SOX15: variants seen among roughly 807,000 people sequenced by gnomAD.
The protein encoded by SOX15 is SRY-box transcription factor 15.
A neutral mutation model predicts 15.9 loss-of-function variants in SOX15; 12 were observed. That is an observed-to-expected ratio of 0.75 (90% CI 0.48 to 1.22). SOX15 has a LOEUF of 1.22. Among genes scored for constraint, SOX15 ranks in the 50% most tolerant of loss-of-function variants. SOX15 has a pLI of 0.00. For missense variants in SOX15, 309 were observed against 313.9 expected, an observed-to-expected ratio of 0.98 and a Z score of 0.12; for synonymous variants, 149 against 142.8, an observed-to-expected ratio of 1.04 and a Z score of -0.31.
At position 7,589,542 on chromosome 17, in the gene SOX15, G is replaced by A. The variant is rs1464007886; in HGVS notation, c.135C>T (p.Pro45=). 3.1e-6 allele frequency: 5 copies of A among 1,608,042 alleles called. No individual in the cohort carries two copies. Among genetic ancestry groups the A allele is most frequent in the Non-Finnish European group, 3.4e-6 (4 of 1,178,134 alleles). ...AGSPAAPGTL[P]LEKVKRPMNA... ...TCATCGGCCGCTTCACCTTCTCCAG[G>A]GGCAGCGTCCCGGGGGCCGCGGGGC... The change falls in exon 1 of 2, where the codon CCC becomes CCT. Residue 45 remains proline, a synonymous_variant. Coordinates refer to ENST00000250055, the MANE Select transcript of SOX15 (RefSeq NM_006942.2).
chr17:7,589,445 C>G lies in SOX15; in HGVS notation c.232G>C (p.Glu78Gln). The change falls in exon 1 of 2, where the codon GAG becomes CAG. Residue 78 changes from glutamate to glutamine, a missense_variant. Physicochemically the swap from Glu to Gln is conservative, Grantham distance 29 (BLOSUM62 2). Transcript: ENST00000250055. ...AQQNPKMHNS[E>Q]ISKRLGAQWK... Reference sequence around the variant, plus strand: ...TGCGCGCCCAGGCGCTTGGAGATCTCGGAGTTGTGCATCTTGGGGTTCTGC... The same window carrying G: ...TGCGCGCCCAGGCGCTTGGAGATCTGGGAGTTGTGCATCTTGGGGTTCTGC... 6.2e-7 allele frequency: 1 copy of G among 1,613,926 alleles called. No homozygotes were observed. Among genetic ancestry groups the G allele is most frequent in the Non-Finnish European group, 8.5e-7 (1 of 1,179,920 alleles).
At position 7,589,534 on chromosome 17, in the gene SOX15, T is replaced by C. The variant is rs1242782819; in HGVS notation, c.143A>G (p.Lys48Arg). Reference protein sequence around the residue: ...PAAPGTLPLEKVKRPMNAFMV... With the variant: ...PAAPGTLPLERVKRPMNAFMV... Reference sequence around the variant, plus strand: ...GAACGCGTTCATCGGCCGCTTCACCTTCTCCAGGGGCAGCGTCCCGGGGGC... The same window carrying C: ...GAACGCGTTCATCGGCCGCTTCACCCTCTCCAGGGGCAGCGTCCCGGGGGC... The change falls in exon 1 of 2, where the codon AAG (lysine) becomes AGG (arginine). Residue 48 changes from lysine to arginine, a missense_variant. By Grantham distance (26) the Lys-to-Arg change is conservative (BLOSUM62 2). Transcript: ENST00000250055. The C allele has an allele frequency of 1.2e-6, 2 of 1,610,186 alleles. No individual in the cohort carries two copies. The highest frequency in any genetic ancestry group is 8.5e-7 in the Non-Finnish European group (1 of 1,178,826).
At chr17:7,588,628 C>T in intron 1 of SOX15, 82 bp from the exon 2 acceptor site, 11 of 1,422,120 alleles carry the variant, frequency 7.7e-6, no homozygotes, top group South Asian at 2.3e-5. Flanking sequence ...CAGGGTAGAG[C>T]GTGCCACCCA....
rs912044828 is a variant in SOX15, at chr17:7,589,344, G to A, written c.333C>T (p.Arg111=). ...GCCGGTACTTGTAGTCGGGGTAGTC[G>A]CGCAGGTGTCGGGCGCGGAGCCGCT... is the stretch of plus-strand genomic sequence containing the variant. ...EAKRLRARHL[R]DYPDYKYRPR... Residue 111 remains arginine (R), a synonymous_variant, in exon 1 of 2, where the codon CGC becomes CGT. Transcript: ENST00000250055. 3 of 1,608,908 alleles carry A rather than the reference G, an allele frequency of 1.9e-6. No individual in the cohort carries two copies. The highest frequency in any genetic ancestry group is 1.1e-5 in the South Asian group (1 of 90,606).
chr17:7,589,830 A>G lies in SOX15; in HGVS notation c.-154T>C, dbSNP rs1597868247. On this transcript the variant is annotated 5_prime_UTR_variant, in exon 1 of 2. Coordinates refer to ENST00000250055, the MANE Select transcript of SOX15 (RefSeq NM_006942.2). ...TTTTATCCCCAAGCCCAGAGCTTAA[A>G]CCGGAGCCTTTGCTTCCAACCTGTT... The G allele has an allele frequency of 1.0e-5, 7 of 690,520 alleles. No individual in the cohort carries two copies. The highest frequency in any genetic ancestry group is 3.6e-5 in the African/African-American group (2 of 55,046). 42.8% of individuals were successfully genotyped at this position (690,520 alleles called of 1,614,324 possible). A position where few individuals can be genotyped will look rare whatever the true frequency, so the allele number is the denominator to read the frequency against.
Position 7,589,582 on chromosome 17 carries a change from C to G in SOX15, c.95G>C (p.Arg32Pro). 2.5e-6 allele frequency: 4 copies of G among 1,577,604 alleles called. No individual in the cohort carries two copies. Among genetic ancestry groups the G allele is most frequent in the Non-Finnish European group, 3.4e-6 (4 of 1,164,386 alleles). ...GGCCGCGGGGCTCCCAGCGCCCTCC[C>G]GCTCCTGGGGTCCCGAAGATGAGGA... The part of the protein sequence containing the change: ...AASSSSGPQE[R>P]EGAGSPAAPG... The change falls in exon 1 of 2, where the codon CGG becomes CCG. Residue 32 changes from arginine (R) to proline (P), a missense_variant. Transcript: ENST00000250055.
At position 7,589,240 on chromosome 17, in the gene SOX15, G is replaced by A. The variant is rs767115405; in HGVS notation, c.437C>T (p.Pro146Leu). 4.5e-6 allele frequency: 7 copies of A among 1,547,026 alleles called. No homozygotes were observed. Among genetic ancestry groups the A allele is most frequent in the Non-Finnish European group, 6.1e-6 (7 of 1,145,562 alleles). Residue 146 changes from proline to leucine, a missense_variant, in exon 1 of 2, where the codon CCG (proline) becomes CTG (leucine). Coordinates refer to ENST00000250055, the MANE Select transcript of SOX15 (RefSeq NM_006942.2). ...GGTCGCGTACCCCGGCCCCCAGAGC[G>A]GGCCGCCGCTGGCCAGGTTGCCTCT... ...QGRGNLASGG[P>L]LWGPGYATTQ...
At chr17:7,588,891 T>G in intron 1 of SOX15, 1 of 587,618 alleles carries the variant, frequency 1.7e-6, no homozygotes, top group South Asian at 2.0e-5. Context: ...TAGGACACAG[T>G]CGCATCCAGG....
In SOX15 at chr17:7,589,280, G is replaced by A; in HGVS notation, c.397C>T (p.Arg133Cys). 2 of 1,570,604 alleles carry A rather than the reference G, an allele frequency of 1.3e-6. No individual in the cohort carries two copies. The highest frequency in any genetic ancestry group is 1.4e-5 in the African/African-American group (1 of 73,998). Residue 133 changes from arginine to cysteine, a missense_variant, in exon 1 of 2, where the codon CGC becomes TGC. Arg to Cys is a radical substitution (Grantham distance 180, BLOSUM62 -3). Coordinates refer to ENST00000250055, the MANE Select transcript of SOX15 (RefSeq NM_006942.2). ...AGGTTGCCTCTTCCCTGTCCGCAGCGGGAAGGTCCGGCGCCCGAGCTCTTG... is the reference window on the plus strand; with the variant it reads ...AGGTTGCCTCTTCCCTGTCCGCAGCAGGAAGGTCCGGCGCCCGAGCTCTTG... ...KAKSSGAGPS[R>C]CGQGRGNLAS...
In SOX15 at chr17:7,588,307, TGGGGTA is replaced by T. The variant is rs760312194; in HGVS notation, c.*65_*70del. The stretch of plus-strand genomic sequence containing the variant: ...CCAACAGGAGAAAGGGTTGACAGCC[TGGGGTA>T]GGGGATGCTGCTGGATTAAAAAAGG... On this transcript the variant is annotated 3_prime_UTR_variant, in exon 2 of 2. Coordinates refer to ENST00000250055, the MANE Select transcript of SOX15 (RefSeq NM_006942.2). 1.4e-5 allele frequency: 21 copies of T among 1,477,212 alleles called. No individual in the cohort carries two copies. In the African/African-American group the frequency reaches 2.6e-4, roughly 18 times the overall value. The allele number at this position is 1,477,212 out of a possible 1,614,324, so 91.5% of individuals were successfully genotyped here.
rs536206425 is a variant in SOX15 at position 7,588,178 on chromosome 17, T to C, written c.*200A>G. 2 of 712,876 alleles carry C rather than the reference T, an allele frequency of 2.8e-6. No individual in the cohort carries two copies. Among genetic ancestry groups the C allele is most frequent in the African/African-American group, 1.7e-5 (1 of 57,472 alleles). 44.2% of individuals were successfully genotyped at this position (712,876 alleles called of 1,614,324 possible). ...GGGACAATAAAGACTGGAGACTCAG[T>C]TGAATAATACAAAACTGTTTAATAC... is the stretch of plus-strand genomic sequence containing the variant. On this transcript the variant is annotated 3_prime_UTR_variant, in exon 2 of 2. Coordinates refer to ENST00000250055, the MANE Select transcript of SOX15 (RefSeq NM_006942.2).
chr17:7,588,310 G>T lies in SOX15; in HGVS notation c.*68C>A, dbSNP rs776470897. On this transcript the variant is annotated 3_prime_UTR_variant, in exon 2 of 2. Transcript: ENST00000250055. ...ACAGGAGAAAGGGTTGACAGCCTGG[G>T]GTAGGGGATGCTGCTGGATTAAAAA... is the stretch of plus-strand genomic sequence containing the variant. 3.4e-6 allele frequency: 5 copies of T among 1,485,476 alleles called. No individual in the cohort carries two copies. Among genetic ancestry groups the T allele is most frequent in the Non-Finnish European group, 4.7e-6 (5 of 1,062,846 alleles). 92.0% of individuals were successfully genotyped at this position (1,485,476 alleles called of 1,614,324 possible). A position where few individuals can be genotyped will look rare whatever the true frequency, so the allele number is the denominator to read the frequency against.
In SOX15 at chr17:7,589,488, C is replaced by G; in HGVS notation, c.189G>C (p.Gln63His). ...GGTTCTGCTGCGCCATCTGGCGGCG[C>G]TGAGCGGAGCTCCACACCATGAACG... ...MNAFMVWSSA[Q>H]RRQMAQQNPK... The change falls in exon 1 of 2, where the codon CAG (glutamine) becomes CAC (histidine). Residue 63 changes from glutamine (Q) to histidine (H), a missense_variant. By Grantham distance (24) the Gln-to-His change is conservative (BLOSUM62 0). Transcript: ENST00000250055. 1 of 1,613,512 alleles carries G rather than the reference C, an allele frequency of 6.2e-7. No individual in the cohort carries two copies. The highest frequency in any genetic ancestry group is 1.3e-5 in the African/African-American group (1 of 75,060).
chr17:7,588,181 A>C lies in SOX15; in HGVS notation c.*197T>G, dbSNP rs770282612. 2 of 719,646 alleles carry C rather than the reference A, an allele frequency of 2.8e-6. No homozygotes were observed. Among genetic ancestry groups the C allele is most frequent in the South Asian group, 2.9e-5 (2 of 68,578 alleles). 44.6% of individuals were successfully genotyped at this position (719,646 alleles called of 1,614,324 possible). On this transcript the variant is annotated 3_prime_UTR_variant, in exon 2 of 2. Coordinates refer to ENST00000250055, the MANE Select transcript of SOX15 (RefSeq NM_006942.2). ...ACAATAAAGACTGGAGACTCAGTTG[A>C]ATAATACAAAACTGTTTAATACTAC...
intron 1 of SOX15, 104 bp downstream of exon 1, chr17:7,589,040 G>T: frequency 9.0e-7 from 1 of 1,115,590 alleles, no homozygotes; most frequent in Non-Finnish European, 1.2e-6. Flanking sequence ...GCCGCGAGTG[G>T]CCTCTGCTTG....
chr17:7,589,775 G>T lies in SOX15; in HGVS notation c.-99C>A. On this transcript the variant is annotated 5_prime_UTR_variant, in exon 1 of 2. Coordinates refer to ENST00000250055, the MANE Select transcript of SOX15 (RefSeq NM_006942.2). The stretch of plus-strand genomic sequence containing the variant: ...AAGGTCTTCCCAGTCTGGAGTCGTT[G>T]CCGAGGAACTTGGGTCCTTAAAAAG... The T allele has an allele frequency of 1.8e-6, 2 of 1,123,384 alleles. No individual in the cohort carries two copies. Among genetic ancestry groups the T allele is most frequent in the Non-Finnish European group, 2.5e-6 (2 of 812,336 alleles). 69.6% of individuals were successfully genotyped at this position (1,123,384 alleles called of 1,614,324 possible).
chr17:7,589,279 C>G lies in SOX15; in HGVS notation c.398G>C (p.Arg133Pro). The change falls in exon 1 of 2, where the codon CGC becomes CCC. Residue 133 changes from arginine to proline, a missense_variant. By Grantham distance (103) the Arg-to-Pro change is moderately radical (BLOSUM62 -2). Transcript: ENST00000250055. ...KAKSSGAGPS[R>P]CGQGRGNLAS... ...CAGGTTGCCTCTTCCCTGTCCGCAGCGGGAAGGTCCGGCGCCCGAGCTCTT... is the reference window on the plus strand; with the variant it reads ...CAGGTTGCCTCTTCCCTGTCCGCAGGGGGAAGGTCCGGCGCCCGAGCTCTT... 1 of 1,568,316 alleles carries G rather than the reference C, an allele frequency of 6.4e-7. No individual in the cohort carries two copies. The highest frequency in any genetic ancestry group is 1.4e-5 in the African/African-American group (1 of 73,932).
chr17:7,588,576 A>G, intron 1 of SOX15, 30 bp from the exon 2 acceptor site: 1 of 1,609,926 alleles, frequency 6.2e-7, no homozygotes, highest in Non-Finnish European at 8.5e-7. Flanking sequence ...GTTAGAGGGC[A>G]CTTCCCTGGG....
rs550763339 is a variant in SOX15, at chr17:7,589,703, T to C, written c.-27A>G. ...GGTTGGGAGAAGCCTTAAGAGGGCG[T>C]CCTGAATGCCCTCCCCTCAACGTGA... On this transcript the variant is annotated 5_prime_UTR_variant, in exon 1 of 2. Coordinates refer to ENST00000250055, the MANE Select transcript of SOX15 (RefSeq NM_006942.2). 2.0e-6 allele frequency: 3 copies of C among 1,507,580 alleles called. No homozygotes were observed. The highest frequency in any genetic ancestry group is 1.4e-5 in the African/African-American group (1 of 71,522). The allele number at this position is 1,507,580 out of a possible 1,614,324, so 93.4% of individuals were successfully genotyped here.
Sources: allele counts gnomAD v4.1 joint callset, GRCh38; gene constraint gnomAD v4.1.1; transcripts MANE v1.5; gene names NCBI Gene and HGNC (gene_info 2026-07-23, HGNC 2026-07-21).